CDH13: variants seen among roughly 807,000 people sequenced by gnomAD.
CDH13 encodes cadherin 13.
In CDH13, 24 loss-of-function variants were observed where a neutral mutation model predicts 63.8. That is an observed-to-expected ratio of 0.38 (90% confidence interval 0.27 to 0.53). The LOEUF is 0.53. CDH13 is among the 20% of genes least tolerant of loss of function. The probability of loss-of-function intolerance (pLI) is 0.85; values close to 1 mark genes in which losing one functional copy is unlikely to be tolerated. For missense variants in CDH13, 1,049 were observed against 903.1 expected, an observed-to-expected ratio of 1.16 and a Z score of -2.07; for synonymous variants, 503 against 355.3, an observed-to-expected ratio of 1.42 and a Z score of -4.67.
intron 2 of CDH13, among the ~76,000 whole-genome samples, chr16:82,999,773 C>T (rs1449914594): frequency 2.6e-5 from 4 of 152,188 alleles, no homozygotes; most frequent in Non-Finnish European, 4.4e-5. Flanking sequence ...ACATATTTAA[C>T]GTTTCCATAT....
chr16:82,797,120 G>A (rs1310237341), intron 1 of CDH13, among the ~76,000 whole-genome samples: 3 of 152,176 alleles, frequency 2.0e-5, no homozygotes, highest in Non-Finnish European at 2.9e-5. Flanking sequence ...TAGATGAAAT[G>A]AGGTTCTAGT....
At chr16:83,087,037 A>G (rs1567816544) in intron 3 of CDH13, among the ~76,000 whole-genome samples, 1 of 152,246 alleles carries the variant, frequency 6.6e-6, no homozygotes, top group Non-Finnish European at 1.5e-5. Context: ...TAAGGCTACC[A>G]AAGAAAATCC....
intron 5 of CDH13, among the ~76,000 whole-genome samples, chr16:83,288,686 G>C (rs2089388499): frequency 6.6e-6 from 1 of 152,206 alleles, no homozygotes; most frequent in African/African-American, 2.4e-5. Context: ...TTTTCCCAAA[G>C]AATCGTCAGC....
chr16:83,742,207 C>T (rs956815408), intron 10 of CDH13, among the ~76,000 whole-genome samples: 4 of 152,206 alleles, frequency 2.6e-5, no homozygotes, highest in African/African-American at 9.7e-5. Flanking sequence ...TGGAAGCTTT[C>T]TTCCCTGCTC....
chr16:83,060,975 C>A (rs1428937495), intron 3 of CDH13, among the ~76,000 whole-genome samples: 2 of 152,202 alleles, frequency 1.3e-5, no homozygotes, highest in African/African-American at 4.8e-5. Context: ...TAATGACTCT[C>A]ACTCCTACAC....
intron 1 of CDH13, among the ~76,000 whole-genome samples, chr16:82,854,065 G>T (rs185130848): frequency 1.2e-4 from 19 of 152,234 alleles, no homozygotes; most frequent in African/African-American, 3.4e-4. Flanking sequence ...GATATCGGTG[G>T]CAAGTTCAAG....
At chr16:83,777,712 C>G (rs774982605) in intron 11 of CDH13, among the ~76,000 whole-genome samples, 3 of 152,242 alleles carry the variant, frequency 2.0e-5, no homozygotes, top group Non-Finnish European at 2.9e-5. Flanking sequence ...TTTGCTAGGA[C>G]TTGCCTGCGT....
At chr16:82,691,777 A>T (rs1243201894) in intron 1 of CDH13, among the ~76,000 whole-genome samples, 8 of 152,140 alleles carry the variant, frequency 5.3e-5, no homozygotes, top group Non-Finnish European at 1.0e-4. Context: ...CAATATTCTG[A>T]CATGGGTTAA....
chr16:83,059,736 T>A (rs1190794093), intron 3 of CDH13, among the ~76,000 whole-genome samples: 1 of 149,892 alleles, frequency 6.7e-6, no homozygotes, highest in Non-Finnish European at 1.5e-5. Context: ...CCCTCAAACC[T>A]CCCTGTATCA....
chr16:83,134,245 T>C (rs1036601427), intron 4 of CDH13, among the ~76,000 whole-genome samples: 4 of 152,118 alleles, frequency 2.6e-5, no homozygotes, highest in African/African-American at 9.7e-5. Context: ...CGGGCTGGAG[T>C]GCAGTGGCAC....
At chr16:82,670,514 A>G (rs1028293441) in intron 1 of CDH13, among the ~76,000 whole-genome samples, 2 of 152,196 alleles carry the variant, frequency 1.3e-5, no homozygotes, top group African/African-American at 2.4e-5. Context: ...TAGGGTGACC[A>G]TGCACTACCC....
intron 5 of CDH13, among the ~76,000 whole-genome samples, chr16:83,254,952 T>TTTCTTTCTTTCGTTCG (rs1906040609): frequency 1.2e-4 from 17 of 145,610 alleles, no homozygotes; most frequent in African/African-American, 4.3e-4. Flanking sequence ...TCTTTTTCTC[T>TTTCTTTCTTTCGTTCG]TTCTTTCTTT....
chr16:82,655,013 C>G (rs1911141116), intron 1 of CDH13, among the ~76,000 whole-genome samples: 1 of 152,202 alleles, frequency 6.6e-6, no homozygotes, highest in African/African-American at 2.4e-5. Context: ...ATTCTCTTGG[C>G]TCTGGGGTAC....
chr16:82,655,126 C>A (rs934092931), intron 1 of CDH13, among the ~76,000 whole-genome samples: 2 of 152,230 alleles, frequency 1.3e-5, no homozygotes, highest in African/African-American at 2.4e-5. Context: ...TACATTCATT[C>A]ATTTTCCCAA....
At chr16:83,695,388 C>A (rs1290743471) in intron 10 of CDH13, among the ~76,000 whole-genome samples, 1 of 152,184 alleles carries the variant, frequency 6.6e-6, no homozygotes, top group African/African-American at 2.4e-5. Context: ...TAAATAGGAT[C>A]GCAAATGCTG....
intron 2 of CDH13, among the ~76,000 whole-genome samples, chr16:82,948,315 G>C (rs980051195): frequency 4.6e-5 from 7 of 152,122 alleles, no homozygotes; most frequent in Non-Finnish European, 1.0e-4. Flanking sequence ...TTCTAAAATT[G>C]TCTGCAAATA....
intron 11 of CDH13, among the ~76,000 whole-genome samples, chr16:83,757,001 T>C (rs1389826853): frequency 2.6e-5 from 4 of 152,208 alleles, no homozygotes; most frequent in African/African-American, 7.2e-5. Flanking sequence ...CAAGGAAAAT[T>C]ACCTAAATTG....
rs1250390330 is a variant in CDH13, at chr16:83,781,330, A to G, written c.1915+1129A>G. Among the ~76,000 whole-genome samples the G allele has an allele frequency of 4.6e-5, 7 of 152,368 alleles. No homozygotes were observed. The South Asian group carries it at 6.2e-4, about 14-fold the overall frequency. On this transcript the variant is annotated intron_variant, in intron 12 of 13. Transcript: ENST00000567109. ...CTTCCAATAAAGTAAAAGAAAAAAG[A>G]AAAAGAAAGACATTAGACACTATGT... is the stretch of plus-strand genomic sequence containing the variant.
intron 4 of CDH13, among the ~76,000 whole-genome samples, chr16:83,130,318 T>A (rs1012943398): frequency 6.6e-6 from 1 of 152,334 alleles, no homozygotes; most frequent in Admixed American, 6.5e-5. Context: ...AGCTAGTTCA[T>A]AACAGAGCCA....
Sources: allele counts gnomAD v4.1 joint callset (sites outside exome capture counted in the v4.1 genomes callset), GRCh38; gene constraint gnomAD v4.1.1; transcripts MANE v1.5; gene names NCBI Gene and HGNC (gene_info 2026-07-23, HGNC 2026-07-21).